Variants in GREB1 observed in about 807,000 individuals in gnomAD.
GREB1 encodes protein GREB1.
GREB1 carries 106 observed loss-of-function variants against 200.7 expected under a neutral mutation model. That is an observed-to-expected ratio of 0.53 (90% CI 0.45 to 0.62). The LOEUF is 0.62. Ranked by LOEUF, GREB1 falls within the 20% of genes least tolerant of loss-of-function variation. The probability of loss-of-function intolerance (pLI) is 0.00; values close to 1 mark genes in which losing one functional copy is unlikely to be tolerated. For missense variants in GREB1, 2,243 were observed against 2,556.8 expected, an observed-to-expected ratio of 0.88 and a Z score of 2.65; for synonymous variants, 1,132 against 1,092.4, an observed-to-expected ratio of 1.04 and a Z score of -0.72.
intron 1 of GREB1, among the ~76,000 whole-genome samples, chr2:11,521,013 G>A (rs1010176646): frequency 3.3e-5 from 5 of 152,170 alleles, no homozygotes; most frequent in African/African-American, 4.8e-5. Context: ...GCCCTCTGCC[G>A]TGTGGGCTCC....
chr2:11,615,126 C>A lies in GREB1; in HGVS notation c.3158C>A (p.Ser1053Tyr). 6.2e-7 allele frequency: 1 copy of A among 1,614,108 alleles called. No homozygotes were observed. Among genetic ancestry groups the A allele is most frequent in the South Asian group, 1.1e-5 (1 of 91,076 alleles). The change falls in exon 20 of 33, where the codon TCC (serine) becomes TAC (tyrosine). Residue 1053 changes from serine to tyrosine, a missense_variant. Ser to Tyr is a moderately radical substitution (Grantham distance 144, BLOSUM62 -2). Coordinates refer to ENST00000381486, the MANE Select transcript of GREB1 (RefSeq NM_014668.4). Reference sequence around the variant, plus strand: ...TACTGTGACCTGCGATTGATAAACTCCTCCTGCTTGGTGAGAACAGCCTTG... The same window carrying A: ...TACTGTGACCTGCGATTGATAAACTACTCCTGCTTGGTGAGAACAGCCTTG... The part of the protein sequence containing the change: ...LRYCDLRLIN[S>Y]SCLVRTALEQ...
chr2:11,613,891 C>T (rs1003929176), intron 19 of GREB1, among the ~76,000 whole-genome samples: 1 of 152,096 alleles, frequency 6.6e-6, no homozygotes, highest in Non-Finnish European at 1.5e-5. Flanking sequence ...TTTCAGAGCC[C>T]CACTGGAACC....
At chr2:11,632,718 C>A (rs1684983733) in intron 27 of GREB1, among the ~76,000 whole-genome samples, 171 bp from the exon 28 acceptor site, 1 of 152,188 alleles carries the variant, frequency 6.6e-6, no homozygotes. Flanking sequence ...GTTTTCCTCC[C>A]TGTAGTTTTC....
In GREB1 at chr2:11,640,325, C is replaced by G. The variant is rs1685724408; in HGVS notation, c.5721C>G (p.Ser1907Arg). The G allele has an allele frequency of 6.2e-7, 1 of 1,614,008 alleles. No homozygotes were observed. ...ATLCVICQDR[S>R]SLRQTVVRLE... The stretch of plus-strand genomic sequence containing the variant: ...TGTGTGTCATCTGTCAGGACCGGAG[C>G]TCACTGCGCCAGACGGTCGTCCGCC... The change falls in exon 33 of 33, where the codon AGC (serine) becomes AGG (arginine). Residue 1907 changes from serine (S) to arginine (R), a missense_variant. Ser to Arg is a moderately radical substitution (Grantham distance 110, BLOSUM62 -1). Around this residue, in one of 3 missense-constraint regions of GREB1, gnomAD observed 478 missense variants for 616.3 expected, o/e 0.78. Coordinates refer to ENST00000381486, the MANE Select transcript of GREB1 (RefSeq NM_014668.4). The surrounding 1 kb of genome is among the most constrained non-coding windows in gnomAD (Gnocchi z 4.6).
intron 7 of GREB1, among the ~76,000 whole-genome samples, chr2:11,584,265 TG>T (rs781385937): frequency 6.6e-6 from 1 of 152,202 alleles, no homozygotes; most frequent in Non-Finnish European, 1.5e-5. Context: ...AACCAATTCT[TG>T]ATATTTTGAA....
chr2:11,555,399 G>C (rs1676332983), intron 1 of GREB1, among the ~76,000 whole-genome samples: 1 of 152,088 alleles, frequency 6.6e-6, no homozygotes, highest in Admixed American at 6.5e-5. Context: ...TTTGCAAGAG[G>C]GTTGAGCGAA....
chr2:11,622,753 G>A (rs1450535868), intron 23 of GREB1, among the ~76,000 whole-genome samples: 1 of 152,216 alleles, frequency 6.6e-6, no homozygotes, highest in Non-Finnish European at 1.5e-5. Flanking sequence ...GGTTTTGCTG[G>A]CATTGGCCAC....
At position 11,588,990 on chromosome 2, in the gene GREB1, C is replaced by G. The variant is rs111455475; in HGVS notation, c.1345+59C>G. On this transcript the variant is annotated intron_variant, in intron 10 of 32. Coordinates refer to ENST00000381486, the MANE Select transcript of GREB1 (RefSeq NM_014668.4). ...GGAGTGGCCACAGCCCGAGCACAGA[C>G]CTGGCCTCGGCCCTCGTGGGGGCTG... 7.0e-6 allele frequency: 10 copies of G among 1,418,790 alleles called. No individual in the cohort carries two copies. The African/African-American group carries it at 8.4e-5, about 12-fold the overall frequency. The allele number at this position is 1,418,790 out of a possible 1,614,324, so 87.9% of individuals were successfully genotyped here. A position where few individuals can be genotyped will look rare whatever the true frequency, so the allele number is the denominator to read the frequency against.
At chr2:11,624,830 T>A (rs1238419226) in intron 23 of GREB1, among the ~76,000 whole-genome samples, 2 of 150,412 alleles carry the variant, frequency 1.3e-5, no homozygotes, top group South Asian at 4.2e-4. Flanking sequence ...ATTTTTTTTT[T>A]AAGCTCAACA....
rs1325370764 is a variant in GREB1 at position 11,618,461 on chromosome 2, C to T, written c.3586C>T (p.Pro1196Ser). 6 of 1,605,788 alleles carry T rather than the reference C, an allele frequency of 3.7e-6. No individual in the cohort carries two copies. Among genetic ancestry groups the T allele is most frequent in the African/African-American group, 1.3e-5 (1 of 74,908 alleles). Residue 1196 changes from proline to serine, a missense_variant, in exon 22 of 33, where the codon CCG (proline) becomes TCG (serine). Around this residue, in one of 3 missense-constraint regions of GREB1, gnomAD observed 587 missense variants for 553.1 expected, o/e 1.06. Transcript: ENST00000381486. ...GGCCATCAGCAGGCACAGTCCCGGG[C>T]CGACGCCCCAGCCCGACTGTAGCCT... ...PSAISRHSPG[P>S]TPQPDCSLRT...
At chr2:11,567,755 G>A (rs184409084) in intron 4 of GREB1, among the ~76,000 whole-genome samples, 1 of 152,298 alleles carries the variant, frequency 6.6e-6, no homozygotes, top group African/African-American at 2.4e-5. Flanking sequence ...TTCTTACTGT[G>A]TGCCGGGCCA....
At chr2:11,502,172 C>T (rs374706347) in intron 1 of GREB1, among the ~76,000 whole-genome samples, 1 of 150,532 alleles carries the variant, frequency 6.6e-6, no homozygotes, top group African/African-American at 2.4e-5. Context: ...CTGCCTGGGC[C>T]TCCCAAAGTT....
intron 4 of GREB1, among the ~76,000 whole-genome samples, chr2:11,567,863 A>G (rs1677836956): frequency 6.6e-6 from 1 of 152,182 alleles, no homozygotes; most frequent in African/African-American, 2.4e-5. Flanking sequence ...GCATCTGCCC[A>G]CAGGTCCCTG....
In GREB1 at chr2:11,589,973, T is replaced by C. The variant is rs148857555; in HGVS notation, c.1345+1042T>C. On this transcript the variant is annotated intron_variant, in intron 10 of 32. Coordinates refer to ENST00000381486, the MANE Select transcript of GREB1 (RefSeq NM_014668.4). ...TGAGTCCCAGGAGAGGTGGAGGCTC[T>C]AGGTATACATTTAAGACACACTGGC... 9.3e-3 allele frequency among the ~76,000 whole-genome samples: 1,417 copies of C among 152,204 alleles called. 21 individuals carry two copies. The highest frequency in any genetic ancestry group is 0.032 in the African/African-American group (1,346 of 41,536).
At chr2:11,599,932 C>T (rs1033417324) in intron 15 of GREB1, among the ~76,000 whole-genome samples, 3 of 152,130 alleles carry the variant, frequency 2.0e-5, no homozygotes, top group Non-Finnish European at 4.4e-5. Flanking sequence ...TGGTGGTTTA[C>T]CGGGATTGGT....
At chr2:11,546,611 G>A (rs182633963) in intron 1 of GREB1, among the ~76,000 whole-genome samples, 1 of 152,288 alleles carries the variant, frequency 6.6e-6, no homozygotes, top group East Asian at 1.9e-4. Context: ...TACAAGCTCT[G>A]TAATAGGGAC....
At chr2:11,598,123 C>G (rs972114212) in intron 14 of GREB1, 145 bp downstream of exon 14, 2 of 737,316 alleles carry the variant, frequency 2.7e-6, no homozygotes, top group Non-Finnish European at 4.7e-6. Flanking sequence ...AACTGATGTT[C>G]AGAGACAGTG....
intron 7 of GREB1, chr2:11,581,359 T>C (rs1428983521): frequency 4.0e-6 from 1 of 252,974 alleles, no homozygotes; most frequent in Non-Finnish European, 7.5e-6. Flanking sequence ...GTACCGGCTG[T>C]TCTCATCCAA....
chr2:11,638,663 T>A lies in GREB1; in HGVS notation c.5548-8T>A. ...ACGGTGCCCTCTCTTGGATTTCTTCTTTTTCAGATTTCTGTTTGCTATGTG... is the reference window on the plus strand; with the variant it reads ...ACGGTGCCCTCTCTTGGATTTCTTCATTTTCAGATTTCTGTTTGCTATGTG... On this transcript the variant is annotated splice_polypyrimidine_tract_variant and splice_region_variant and intron_variant, in intron 31 of 32. Transcript: ENST00000381486. 6.2e-7 allele frequency: 1 copy of A among 1,609,742 alleles called. No homozygotes were observed. Among genetic ancestry groups the A allele is most frequent in the Non-Finnish European group, 8.5e-7 (1 of 1,178,964 alleles).
Sources: allele counts gnomAD v4.1 joint callset (sites outside exome capture counted in the v4.1 genomes callset), GRCh38; gene constraint gnomAD v4.1.1; regional missense constraint gnomAD v4.1.1; non-coding constraint Gnocchi (gnomAD v3.1); transcripts MANE v1.5; gene names NCBI Gene and HGNC (gene_info 2026-07-23, HGNC 2026-07-21).